ZNF385D: variants seen among roughly 807,000 people sequenced by gnomAD.
The protein encoded by ZNF385D is zinc finger protein 385D, also known as zinc finger protein 659.
A neutral mutation model predicts 35.8 loss-of-function variants in ZNF385D; 15 were observed. That is an observed-to-expected ratio of 0.42 (90% CI 0.28 to 0.64). ZNF385D has a LOEUF of 0.64. ZNF385D is among the 30% of genes least tolerant of loss of function. The pLI is 0.23. For missense variants in ZNF385D, 474 were observed against 494.6 expected (o/e 0.96, Z 0.39); for synonymous variants, 212 against 186.8 (o/e 1.13, Z -1.10).
At chr3:21,555,215 GTTT>G (rs35875777) in intron 3 of ZNF385D, among the ~76,000 whole-genome samples, 6,110 of 141,192 alleles carry the variant, frequency 0.043, 199 homozygotes, top group East Asian at 0.15. Flanking sequence ...GGCAATTGTA[GTTT>G]TTTTTTTTTT....
intron 2 of ZNF385D, among the ~76,000 whole-genome samples, chr3:22,214,928 C>G (rs913666354): frequency 1.3e-5 from 2 of 151,912 alleles, no homozygotes; most frequent in African/African-American, 4.8e-5. Flanking sequence ...TTGTACACAC[C>G]CTCCCCTTTT....
chr3:22,021,628 T>C (rs969579383), intron 3 of ZNF385D, among the ~76,000 whole-genome samples: 3 of 152,062 alleles, frequency 2.0e-5, no homozygotes, highest in African/African-American at 7.2e-5. Context: ...GCCAAGTCTA[T>C]AACAAATACT....
At chr3:22,347,633 G>C (rs1695718758) in intron 2 of ZNF385D, among the ~76,000 whole-genome samples, 1 of 152,170 alleles carries the variant, frequency 6.6e-6, no homozygotes, top group Non-Finnish European at 1.5e-5. Context: ...AGCGTTGTTA[G>C]AAAGGTTAAG....
intron 2 of ZNF385D, among the ~76,000 whole-genome samples, chr3:22,247,851 C>T (rs183880796): frequency 1.1e-3 from 173 of 152,114 alleles, no homozygotes; most frequent in Admixed American, 1.6e-3. Flanking sequence ...GATCCACCTG[C>T]CTCGGCCTCC....
At chr3:21,757,161 A>T (rs527655851) in intron 3 of ZNF385D, among the ~76,000 whole-genome samples, 1 of 109,444 alleles carries the variant, frequency 9.1e-6, no homozygotes, top group Non-Finnish European at 1.7e-5. Context: ...ATGGTGTCTC[A>T]CTCTCTCACC....
At chr3:21,767,909 C>G (rs1340029042) in intron 3 of ZNF385D, among the ~76,000 whole-genome samples, 1 of 151,882 alleles carries the variant, frequency 6.6e-6, no homozygotes, top group Non-Finnish European at 1.5e-5. Context: ...CATAGCATAT[C>G]CAAATGATGT....
intron 2 of ZNF385D, among the ~76,000 whole-genome samples, chr3:22,243,728 C>T (rs1029708616): frequency 8.6e-5 from 13 of 150,822 alleles, no homozygotes; most frequent in Non-Finnish European, 1.6e-4. Context: ...GTAGGCAGCT[C>T]TCAGATATTG....
At chr3:21,991,128 G>A (rs1461352506) in intron 3 of ZNF385D, among the ~76,000 whole-genome samples, 1 of 152,190 alleles carries the variant, frequency 6.6e-6, no homozygotes, top group African/African-American at 2.4e-5. Context: ...TAATTACGGT[G>A]AGGGAGACTT....
At chr3:22,372,477 C>G (rs1462983673) in exon 2 of ZNF385D, 25 of 985,802 alleles carry the variant, frequency 2.5e-5, no homozygotes, top group Non-Finnish European at 3.0e-5. Flanking sequence ...TTCGGCGCCC[C>G]CAGGAGCTTT....
At chr3:21,553,454 C>T (rs1160320950) in intron 3 of ZNF385D, among the ~76,000 whole-genome samples, 1 of 152,050 alleles carries the variant, frequency 6.6e-6, no homozygotes, top group Non-Finnish European at 1.5e-5. Context: ...ATGCTAACAA[C>T]GTGAACCTTC....
intron 3 of ZNF385D, among the ~76,000 whole-genome samples, chr3:21,945,387 A>C (rs1304634323): frequency 1.3e-5 from 2 of 152,198 alleles, no homozygotes; most frequent in Non-Finnish European, 2.9e-5. Flanking sequence ...GGTGAGATGC[A>C]CGTTAGTTGT....
At chr3:22,117,369 T>G (rs1702865471) in intron 3 of ZNF385D, among the ~76,000 whole-genome samples, 1 of 151,988 alleles carries the variant, frequency 6.6e-6, no homozygotes, top group South Asian at 2.1e-4. Flanking sequence ...TAAACCTGTT[T>G]CGTATGAGTG....
At chr3:21,512,442 C>A (rs947005159) in intron 3 of ZNF385D, among the ~76,000 whole-genome samples, 2 of 152,182 alleles carry the variant, frequency 1.3e-5, no homozygotes, top group African/African-American at 4.8e-5. Context: ...CTCTTCATTA[C>A]AGAACCTGTG....
At chr3:22,360,918 CTAA>C (rs1696381735) in intron 2 of ZNF385D, among the ~76,000 whole-genome samples, 1 of 151,958 alleles carries the variant, frequency 6.6e-6, no homozygotes, top group African/African-American at 2.4e-5. Context: ...TGAGAACCTT[CTAA>C]TATTATTTGA....
At chr3:21,876,237 G>C (rs1469639229) in intron 3 of ZNF385D, among the ~76,000 whole-genome samples, 2 of 151,456 alleles carry the variant, frequency 1.3e-5, no homozygotes, top group Middle Eastern at 3.5e-3. Context: ...TATCTTGTAA[G>C]TGGTAGAACT....
intron 3 of ZNF385D, among the ~76,000 whole-genome samples, chr3:21,525,067 C>T (rs1369853001): frequency 3.3e-5 from 5 of 152,038 alleles, no homozygotes; most frequent in African/African-American, 1.2e-4. Context: ...AAAAAGGGTC[C>T]ATTCAGTAAA....
chr3:21,975,728 T>C (rs1357362728), intron 3 of ZNF385D, among the ~76,000 whole-genome samples: 217 of 14,278 alleles, frequency 0.015, 4 homozygotes, highest in African/African-American at 0.13. Context: ...TATATATATA[T>C]ATATATATAT....
chr3:21,938,486 C>G (rs894819070), intron 3 of ZNF385D, among the ~76,000 whole-genome samples: 1 of 152,180 alleles, frequency 6.6e-6, no homozygotes, highest in African/African-American at 2.4e-5. Flanking sequence ...TGAATTAGAC[C>G]TTGTTCAGAC....
At chr3:21,657,921 G>A (rs1419100612) in intron 2 of ZNF385D, among the ~76,000 whole-genome samples, 1 of 151,938 alleles carries the variant, frequency 6.6e-6, no homozygotes, top group Non-Finnish European at 1.5e-5. Flanking sequence ...CCAGAGAAGA[G>A]AGCACTATAC....
Sources: gnomAD v4.1 joint callset for allele counts (sites outside exome capture counted in the v4.1 genomes callset) on GRCh38, gnomAD v4.1.1 for gene constraint, MANE v1.5 for transcripts, NCBI Gene and HGNC (gene_info 2026-07-23, HGNC 2026-07-21) for gene names.